Variants in RPS6KA5 observed in about 807,000 individuals in gnomAD.
The protein encoded by RPS6KA5 is ribosomal protein S6 kinase alpha-5.
Under a neutral mutation model 85.5 loss-of-function variants are expected in RPS6KA5, and 27 were observed. The observed-to-expected ratio is 0.32, with a 90% CI of 0.23 to 0.44. RPS6KA5 has a LOEUF of 0.44. RPS6KA5 is among the 20% of genes least tolerant of loss of function. The probability of loss-of-function intolerance (pLI) is 1.00; values close to 1 mark genes in which losing one functional copy is unlikely to be tolerated. For synonymous variants in RPS6KA5, 334 were observed against 348.2 expected, an observed-to-expected ratio of 0.96 and a Z score of 0.46; for missense variants, 811 against 980.9, an observed-to-expected ratio of 0.83 and a Z score of 2.31.
chr14:91,051,896 T>C (rs1205311596), intron 1 of RPS6KA5, among the ~76,000 whole-genome samples: 1 of 151,160 alleles, frequency 6.6e-6, no homozygotes, highest in East Asian at 1.9e-4. Flanking sequence ...GCTAACTTCA[T>C]ACTCAGTGGT....
intron 4 of RPS6KA5, among the ~76,000 whole-genome samples, 198 bp downstream of exon 4, chr14:90,947,237 T>C (rs2037918502): frequency 6.6e-6 from 1 of 152,240 alleles, no homozygotes; most frequent in African/African-American, 2.4e-5. Flanking sequence ...CTTTTTAATC[T>C]CTATCATAGC....
At chr14:90,892,219 C>T (rs1169805825) in intron 13 of RPS6KA5, among the ~76,000 whole-genome samples, 2 of 152,104 alleles carry the variant, frequency 1.3e-5, no homozygotes, top group South Asian at 2.1e-4. Context: ...CCAGACTGGT[C>T]TCAAACTCCT....
chr14:90,943,051 A>C, intron 5 of RPS6KA5, 27 bp downstream of exon 5: 1 of 1,262,358 alleles, frequency 7.9e-7, no homozygotes, highest in Middle Eastern at 1.9e-4. Flanking sequence ...TGCTGTTATT[A>C]CTAACTTCAA....
intron 3 of RPS6KA5, among the ~76,000 whole-genome samples, chr14:90,947,838 T>C (rs970548750): frequency 6.6e-6 from 1 of 152,180 alleles, no homozygotes; most frequent in Non-Finnish European, 1.5e-5. Context: ...ATACAGCATA[T>C]CAGAAACCTC....
intron 3 of RPS6KA5, among the ~76,000 whole-genome samples, chr14:90,948,666 G>C (rs2038004786): frequency 6.6e-6 from 1 of 151,622 alleles, no homozygotes; most frequent in African/African-American, 2.4e-5. Context: ...CCGCACTCCA[G>C]CCTGGGCGAA....
At position 90,856,810 on chromosome 14, in the gene RPS6KA5, T is replaced by C. The variant is rs1439826597; in HGVS notation, c.*15264A>G. ...CCCAAAACCCCATCACCTGTATACA[T>C]TGTCACTCCCTATTTCCCCCTCCCA... On this transcript the variant is annotated 3_prime_UTR_variant, in exon 17 of 17. Transcript: ENST00000614987. The C allele has an allele frequency of 6.4e-6, 1 of 155,996 alleles. No individual in the cohort carries two copies. Among genetic ancestry groups the C allele is most frequent in the Non-Finnish European group, 1.4e-5 (1 of 70,542 alleles). 9.7% of individuals were successfully genotyped at this position (155,996 alleles called of 1,614,324 possible).
At chr14:90,906,007 CA>C in intron 8 of RPS6KA5, 141 bp downstream of exon 8, 3 of 766,086 alleles carry the variant, frequency 3.9e-6, no homozygotes, top group Middle Eastern at 2.5e-4. Context: ...AAAAACAAAA[CA>C]AAACAAAAGG....
intron 3 of RPS6KA5, among the ~76,000 whole-genome samples, chr14:90,954,105 C>T (rs1286103): frequency 0.7 from 106,050 of 152,108 alleles, 37,468 homozygotes; most frequent in East Asian, 0.97. Context: ...CCCCAGAGGC[C>T]CAGCTGTAAA....
rs1419569206 is a variant in RPS6KA5, at chr14:90,858,183, A to G, written c.*13891T>C. On this transcript the variant is annotated 3_prime_UTR_variant, in exon 17 of 17. Coordinates refer to ENST00000614987, the MANE Select transcript of RPS6KA5 (RefSeq NM_004755.4). Reference sequence around the variant, plus strand: ...GCCAGCATTCATTTAATTTTACGTAAACACATTCTTTGAGGCTAAAGCAAA... The same window carrying G: ...GCCAGCATTCATTTAATTTTACGTAGACACATTCTTTGAGGCTAAAGCAAA... 6.6e-6 allele frequency: 1 copy of G among 152,188 alleles called. No individual in the cohort carries two copies. Among genetic ancestry groups the G allele is most frequent in the East Asian group, 1.9e-4 (1 of 5,204 alleles). The allele number at this position is 152,188 out of a possible 1,614,324, so 9.4% of individuals were successfully genotyped here. A position where few individuals can be genotyped will look rare whatever the true frequency, so the allele number is the denominator to read the frequency against.
At chr14:90,998,740 A>G (rs2040642352) in intron 2 of RPS6KA5, among the ~76,000 whole-genome samples, 1 of 152,238 alleles carries the variant, frequency 6.6e-6, no homozygotes, top group African/African-American at 2.4e-5. Context: ...TGACAGTTAC[A>G]CTAAATTTCT....
intron 1 of RPS6KA5, among the ~76,000 whole-genome samples, chr14:91,039,765 C>T (rs546865258): frequency 6.6e-6 from 1 of 152,276 alleles, no homozygotes; most frequent in Admixed American, 6.5e-5. Context: ...CAGCTTGACT[C>T]CAGAGTAAGG....
At chr14:91,012,921 C>T (rs1432017163) in intron 1 of RPS6KA5, among the ~76,000 whole-genome samples, 2 of 152,176 alleles carry the variant, frequency 1.3e-5, no homozygotes, top group Admixed American at 1.3e-4. Flanking sequence ...CTATCCCTGA[C>T]CTTACATCAC....
In RPS6KA5 at chr14:90,850,110, G is replaced by A. The variant is rs1250211802; in HGVS notation, c.*21964C>T. The A allele has an allele frequency of 6.6e-6, 1 of 152,204 alleles. No homozygotes were observed. The allele number at this position is 152,204 out of a possible 1,614,324, so 9.4% of individuals were successfully genotyped here. ...GGCACTTTTTTTCTAGTCTGGGAAG[G>A]GATCTGTGGGCTTTCTACAAGGGAG... On this transcript the variant is annotated 3_prime_UTR_variant, in exon 17 of 17. Transcript: ENST00000614987.
intron 7 of RPS6KA5, among the ~76,000 whole-genome samples, chr14:90,913,330 A>G (rs527801611): frequency 6.6e-6 from 1 of 152,338 alleles, no homozygotes; most frequent in East Asian, 1.9e-4. Context: ...ACTGAAGGAA[A>G]AAACTTGTTT....
At chr14:90,897,343 A>C (rs1214963641) in intron 12 of RPS6KA5, among the ~76,000 whole-genome samples, 1 of 152,204 alleles carries the variant, frequency 6.6e-6, no homozygotes, top group Non-Finnish European at 1.5e-5. Context: ...TCTGACCTCC[A>C]GACTGCAGGA....
At chr14:90,960,136 G>A (rs1038747849) in intron 3 of RPS6KA5, among the ~76,000 whole-genome samples, 3 of 152,108 alleles carry the variant, frequency 2.0e-5, no homozygotes, top group Admixed American at 6.5e-5. Flanking sequence ...GGGGTTCAGA[G>A]CTTAAGAAAA....
chr14:91,039,929 T>C (rs935158865), intron 1 of RPS6KA5, among the ~76,000 whole-genome samples: 3 of 152,088 alleles, frequency 2.0e-5, no homozygotes, highest in African/African-American at 7.2e-5. Context: ...GATTAGACAC[T>C]GAACTTAGAC....
In RPS6KA5 at chr14:90,869,872, A is replaced by G. The variant is rs1040942207; in HGVS notation, c.*2202T>C. 1.7e-4 allele frequency: 26 copies of G among 152,216 alleles called. No homozygotes were observed. The highest frequency in any genetic ancestry group is 6.3e-4 in the African/African-American group (26 of 41,470). The allele number at this position is 152,216 out of a possible 1,614,324, so 9.4% of individuals were successfully genotyped here. On this transcript the variant is annotated 3_prime_UTR_variant, in exon 17 of 17. Transcript: ENST00000614987. ...ACAGTGTTTGTTAAGGTCTTTTCAA[A>G]AGCCCATTTGAGATTATTCAGGCAG...
rs1270951630 is a variant in RPS6KA5, at chr14:90,867,302, C to T, written c.*4772G>A. On this transcript the variant is annotated 3_prime_UTR_variant, in exon 17 of 17. Coordinates refer to ENST00000614987, the MANE Select transcript of RPS6KA5 (RefSeq NM_004755.4). ...AAAATTTAAAACGTAAATGAAAAAA[C>T]TGCTTAATGTGGCAAGGAACAAGAA... is the stretch of plus-strand genomic sequence containing the variant. 1 of 151,836 alleles carries T rather than the reference C, an allele frequency of 6.6e-6. No individual in the cohort carries two copies. Among genetic ancestry groups the T allele is most frequent in the Non-Finnish European group, 1.5e-5 (1 of 67,946 alleles). 9.4% of individuals were successfully genotyped at this position (151,836 alleles called of 1,614,324 possible).
Sources: gnomAD v4.1 joint callset for allele counts (sites outside exome capture counted in the v4.1 genomes callset) on GRCh38, gnomAD v4.1.1 for gene constraint, MANE v1.5 for transcripts, NCBI Gene and HGNC (gene_info 2026-07-23, HGNC 2026-07-21) for gene names.